The following FAM135B variants were observed in gnomAD, a reference collection of about 807,000 sequenced individuals.
FAM135B encodes the protein family with sequence similarity 135 member B.
In FAM135B, 43 loss-of-function variants were observed where a neutral mutation model predicts 127.7. That is an observed-to-expected ratio of 0.34 (90% CI 0.26 to 0.43). FAM135B has a LOEUF of 0.43. FAM135B is among the 20% of genes least tolerant of loss of function. The pLI, the probability that FAM135B is intolerant of heterozygous loss-of-function variation, is 1.00. For missense variants in FAM135B, 1,558 were observed against 1,725.6 expected (o/e 0.90, Z 1.72); for synonymous variants, 670 against 665.1 (o/e 1.01, Z -0.11).
At chr8:138,216,217 C>A (rs1818532880) in intron 7 of FAM135B, among the ~76,000 whole-genome samples, 1 of 152,122 alleles carries the variant, frequency 6.6e-6, no homozygotes, top group Admixed American at 6.5e-5. Flanking sequence ...TAAATAACTA[C>A]AATAACAATT....
intron 1 of FAM135B, among the ~76,000 whole-genome samples, chr8:138,445,664 A>T (rs1221646587): frequency 6.6e-6 from 1 of 152,212 alleles, no homozygotes; most frequent in Non-Finnish European, 1.5e-5. Context: ...CAAAATAATA[A>T]GAGCTATTTA....
At chr8:138,142,857 T>C (rs768288792) in intron 16 of FAM135B, 155 bp downstream of exon 16, 2 of 577,116 alleles carry the variant, frequency 3.5e-6, no homozygotes, top group Non-Finnish European at 6.2e-6. Flanking sequence ...CCAGACCTGG[T>C]ACTTACTTCT....
At chr8:138,287,378 A>G (rs1364427866) in intron 3 of FAM135B, among the ~76,000 whole-genome samples, 4 of 152,082 alleles carry the variant, frequency 2.6e-5, no homozygotes, top group Non-Finnish European at 5.9e-5. Flanking sequence ...TGGTTTCAAT[A>G]AATAAATATT....
intron 1 of FAM135B, among the ~76,000 whole-genome samples, chr8:138,370,881 T>A (rs1269154660): frequency 1.3e-5 from 2 of 152,204 alleles, no homozygotes; most frequent in East Asian, 3.9e-4. Context: ...TGAAGATTAG[T>A]GGGAAGCTAT....
chr8:138,320,485 C>T (rs892680869), intron 2 of FAM135B, among the ~76,000 whole-genome samples: 2 of 152,334 alleles, frequency 1.3e-5, no homozygotes, highest in Non-Finnish European at 2.9e-5. Context: ...GCTGGATTCT[C>T]GCTCTGATCA....
chr8:138,447,218 T>C (rs1836224241), intron 1 of FAM135B, among the ~76,000 whole-genome samples: 1 of 152,174 alleles, frequency 6.6e-6, no homozygotes, highest in Admixed American at 6.5e-5. Context: ...GACTGTAAAC[T>C]AGTTCAACCA....
rs758134046 is a variant in FAM135B, at chr8:138,152,555, G to C, written c.1920C>G (p.Pro640=). ...TCAGGGTAGAACTTAGTGGATCACA[G>C]GGCTCAGAGGGGGTGAGTTTCAAGC... The part of the protein sequence containing the change: ...LLSLKLTPSE[P]CDPLSSTLRE... The change falls in exon 13 of 20, where the codon CCC becomes CCG. Residue 640 remains proline (P), a synonymous_variant. Transcript: ENST00000395297. 1.3e-5 allele frequency: 21 copies of C among 1,614,036 alleles called. 1 individual carries two copies. In the South Asian group the frequency reaches 2.3e-4, roughly 18 times the overall value.
chr8:138,459,826 G>A (rs1430190240), intron 1 of FAM135B, among the ~76,000 whole-genome samples: 5 of 152,196 alleles, frequency 3.3e-5, no homozygotes, highest in Non-Finnish European at 7.3e-5. Flanking sequence ...CCCTCTGAAA[G>A]TCTGTGAGTC....
intron 6 of FAM135B, among the ~76,000 whole-genome samples, chr8:138,247,102 G>T (rs988760797): frequency 2.0e-5 from 3 of 152,312 alleles, no homozygotes; most frequent in Middle Eastern, 3.4e-3. Flanking sequence ...TTTTGATTTT[G>T]CAGGCTCATA....
chr8:138,175,907 A>G (rs1171573514), intron 11 of FAM135B, among the ~76,000 whole-genome samples: 1 of 152,130 alleles, frequency 6.6e-6, no homozygotes, highest in Non-Finnish European at 1.5e-5. Context: ...CGCTTACTTC[A>G]TCAGTCACCT....
intron 2 of FAM135B, among the ~76,000 whole-genome samples, chr8:138,366,855 T>C (rs2131209577): frequency 6.6e-6 from 1 of 152,310 alleles, no homozygotes; most frequent in Non-Finnish European, 1.5e-5. Context: ...CAGTGGAATG[T>C]ATTAGAAAAA....
At chr8:138,246,971 T>A (rs376823184) in intron 6 of FAM135B, among the ~76,000 whole-genome samples, 7 of 152,342 alleles carry the variant, frequency 4.6e-5, no homozygotes, top group African/African-American at 1.7e-4. Context: ...TACTGCCTTA[T>A]TAGATTTTGG....
intron 3 of FAM135B, among the ~76,000 whole-genome samples, chr8:138,270,873 G>C (rs1823323423): frequency 6.6e-6 from 1 of 152,236 alleles, no homozygotes; most frequent in Non-Finnish European, 1.5e-5. Context: ...GTTATAACCT[G>C]GGAGCTCAGG....
intron 19 of FAM135B, among the ~76,000 whole-genome samples, chr8:138,136,570 T>G (rs1816679334): frequency 6.6e-6 from 1 of 152,162 alleles, no homozygotes; most frequent in African/African-American, 2.4e-5. Flanking sequence ...GTTTCAAAAT[T>G]AAAAGCTAAA....
At chr8:138,337,375 A>G (rs1051997683) in intron 2 of FAM135B, among the ~76,000 whole-genome samples, 4 of 152,108 alleles carry the variant, frequency 2.6e-5, no homozygotes, top group African/African-American at 9.7e-5. Flanking sequence ...TCTCAGCCCA[A>G]AATCTCCTTA....
intron 7 of FAM135B, among the ~76,000 whole-genome samples, chr8:138,209,790 C>T (rs1817999750): frequency 6.6e-6 from 1 of 152,038 alleles, no homozygotes; most frequent in Non-Finnish European, 1.5e-5. Context: ...GTGGAATGGG[C>T]CCAGAGAGGT....
At chr8:138,277,276 G>A (rs1392063391) in intron 3 of FAM135B, among the ~76,000 whole-genome samples, 2 of 152,066 alleles carry the variant, frequency 1.3e-5, no homozygotes, top group Non-Finnish European at 2.9e-5. Flanking sequence ...GCCAAATACT[G>A]CAGATACACA....
Position 138,178,605 on chromosome 8 carries a change from T to C in FAM135B, c.959A>G (p.Gln320Arg). 6.2e-7 allele frequency: 1 copy of C among 1,614,124 alleles called. No homozygotes were observed. The highest frequency in any genetic ancestry group is 2.2e-5 in the East Asian group (1 of 44,868). Residue 320 changes from glutamine (Q) to arginine (R), a missense_variant, in exon 10 of 20, where the codon CAG (glutamine) becomes CGG (arginine). By Grantham distance (43) the Gln-to-Arg change is conservative. This residue lies in a region of FAM135B where 115 missense variants were observed against 171.1 expected (regional missense o/e 0.67). Transcript: ENST00000395297. Reference protein sequence around the residue: ...LTSHMMTLWTQFLDTVTLHSQ... With the variant: ...LTSHMMTLWTRFLDTVTLHSQ... ...GTGCAGAGTGACTGTGTCCAGGAAC[T>C]GGGTCCACAGAGTCATCATGTGGGA...
At chr8:138,339,499 G>A (rs1017597743) in intron 2 of FAM135B, among the ~76,000 whole-genome samples, 3 of 151,868 alleles carry the variant, frequency 2.0e-5, no homozygotes, top group Admixed American at 1.3e-4. Context: ...GGATGTATTA[G>A]AGTCAGGAAA....
Sources: gnomAD v4.1 joint callset for allele counts (sites outside exome capture counted in the v4.1 genomes callset) on GRCh38, gnomAD v4.1.1 for gene constraint, gnomAD v4.1.1 regional missense constraint, MANE v1.5 for transcripts, NCBI Gene and HGNC (gene_info 2026-07-23, HGNC 2026-07-21) for gene names.